CNOT3: variants seen among roughly 807,000 people sequenced by gnomAD.
CNOT3 encodes the protein CCR4-associated factor 3.
Under a neutral mutation model 89.4 loss-of-function variants are expected in CNOT3, and 2 were observed. The ratio of observed to expected loss-of-function variants is 0.02; its 90% CI spans 0.01 to 0.07. The LOEUF is 0.07. CNOT3 is among the 10% of genes least tolerant of loss of function. The pLI is 1.00. For synonymous variants in CNOT3, 486 were observed against 402.0 expected, an observed-to-expected ratio of 1.21 and a Z score of -2.50; for missense variants, 664 against 1,010.2, an observed-to-expected ratio of 0.66 and a Z score of 4.65.
intron 17 of CNOT3, chr19:54,155,093 C>T (rs1026878640): frequency 5.4e-4 from 317 of 585,106 alleles, no homozygotes; most frequent in Non-Finnish European, 2.2e-4. Context: ...GGAACCTCTG[C>T]GGCCCCCTCC....
Position 54,152,440 on chromosome 19 carries a change from G to A in CNOT3, c.1718G>A (p.Ser573Asn), listed in dbSNP as rs1356524719. ...LHLTERDIIL[S>N]STSAPPASAQ... ...ACCCTCCCCACAGACATCATCCTGA[G>A]CAGTACATCAGCACCTCCGGCCTCA... The change falls in exon 15 of 18, where the codon AGC becomes AAC. Residue 573 changes from serine (S) to asparagine (N), a missense_variant. This residue lies in a region of CNOT3 where 545 missense variants were observed against 566.2 expected (regional missense o/e 0.96). Transcript: ENST00000221232. The A allele has an allele frequency of 3.1e-6, 5 of 1,614,184 alleles. No individual in the cohort carries two copies. The highest frequency in any genetic ancestry group is 4.2e-6 in the Non-Finnish European group (5 of 1,180,014).
chr19:54,142,218 C>CT (rs755864934), intron 1 of CNOT3: 2 of 152,410 alleles, frequency 1.3e-5, no homozygotes, highest in Non-Finnish European at 2.9e-5. Flanking sequence ...CCCCAAATCT[C>CT]TAAGCCTTCT....
chr19:54,142,521 C>G (rs1482545117), intron 1 of CNOT3: 2 of 275,222 alleles, frequency 7.3e-6, no homozygotes, highest in East Asian at 8.5e-5. Context: ...TCCTAGCCAC[C>G]TCTGCCCAGC....
chr19:54,142,859 T>C, intron 1 of CNOT3, 70 bp from the exon 2 acceptor site: 2 of 971,926 alleles, frequency 2.1e-6, no homozygotes, highest in Non-Finnish European at 3.3e-6. Flanking sequence ...CTATGCTGAC[T>C]AGGTCCATGT....
intron 17 of CNOT3, chr19:54,154,455 AGTT>A (rs1178192036): frequency 4.9e-6 from 1 of 204,986 alleles, no homozygotes; most frequent in Non-Finnish European, 1.0e-5. Context: ...TACCTAATGC[AGTT>A]GTTATGAAGA....
intron 1 of CNOT3, chr19:54,142,708 C>T (rs2074502075): frequency 1.7e-6 from 1 of 588,972 alleles, no homozygotes; most frequent in African/African-American, 1.9e-5. Context: ...AAGTATGTAA[C>T]TTTTCTTGTT....
intron 15 of CNOT3, 110 bp downstream of exon 15, chr19:54,152,736 T>G (rs1228678464): frequency 7.8e-6 from 8 of 1,029,848 alleles, no homozygotes; most frequent in Admixed American, 3.5e-5. Flanking sequence ...ACTTGGGCTC[T>G]CCACTGAAGG....
At position 54,155,497 on chromosome 19, in the gene CNOT3, C is replaced by G. The variant is rs1283977695; in HGVS notation, c.*90C>G. ...CCTGCCCTGGAAGACTGGAGGGAGG[C>G]CCCAAGCCACGGGGCATCCCCCTCT... On this transcript the variant is annotated 3_prime_UTR_variant, in exon 18 of 18. Coordinates refer to ENST00000221232, the MANE Select transcript of CNOT3 (RefSeq NM_014516.4). 20 of 990,720 alleles carry G rather than the reference C, an allele frequency of 2.0e-5. No homozygotes were observed. In the South Asian group the frequency reaches 3.2e-4, roughly 16 times the overall value. The allele number at this position is 990,720 out of a possible 1,614,324, so 61.4% of individuals were successfully genotyped here. A position where few individuals can be genotyped will look rare whatever the true frequency, so the allele number is the denominator to read the frequency against.
intron 10 of CNOT3, among the ~76,000 whole-genome samples, chr19:54,147,702 G>C (rs2074759880): frequency 6.6e-6 from 1 of 152,228 alleles, no homozygotes; most frequent in South Asian, 2.1e-4. Flanking sequence ...AGTAGCTTCT[G>C]TGACCCTTCA....
At chr19:54,146,502 G>C (rs770379812) in intron 9 of CNOT3, 99 bp from the exon 10 acceptor site, 85 of 759,848 alleles carry the variant, frequency 1.1e-4, no homozygotes, top group Middle Eastern at 2.3e-4. Flanking sequence ...CGCAATGGCA[G>C]TCAATTGGGC....
In CNOT3 at chr19:54,148,406, A is replaced by T; in HGVS notation, c.1153A>T (p.Thr385Ser). Residue 385 changes from threonine (T) to serine (S), a missense_variant, in exon 11 of 18, where the codon ACG becomes TCG. This residue lies in a region of CNOT3 where 545 missense variants were observed against 566.2 expected (regional missense o/e 0.96). Coordinates refer to ENST00000221232, the MANE Select transcript of CNOT3 (RefSeq NM_014516.4). This position sits in a 1 kb window ranked among gnomAD's most constrained non-coding sequence, Gnocchi z 6.3. ...VAPPAPSGPS[T>S]TQPRPPSVQP... ...CCCACCAGCTCCCAGTGGGCCCAGC[A>T]CGACCCAGCCCCGGCCCCCCAGCGT... The T allele has an allele frequency of 1.3e-6, 2 of 1,565,194 alleles. No individual in the cohort carries two copies. The highest frequency in any genetic ancestry group is 1.7e-6 in the Non-Finnish European group (2 of 1,154,230).
chr19:54,151,563 GGA>G (rs764899149), intron 13 of CNOT3, among the ~76,000 whole-genome samples: 4 of 152,240 alleles, frequency 2.6e-5, no homozygotes, highest in Non-Finnish European at 5.9e-5. Context: ...GACTCGTTGT[GGA>G]GAGTCCAGCA....
chr19:54,147,771 T>G (rs1211947062), intron 10 of CNOT3, among the ~76,000 whole-genome samples: 1 of 152,176 alleles, frequency 6.6e-6, no homozygotes, highest in Non-Finnish European at 1.5e-5. Context: ...TCTTGGACAT[T>G]AGGCGGCTCC....
chr19:54,153,943 G>C, intron 17 of CNOT3, 103 bp downstream of exon 17: 3 of 1,460,812 alleles, frequency 2.1e-6, no homozygotes, highest in South Asian at 1.1e-5. Context: ...CCACCTTTCA[G>C]CTGGCGCAGT....
chr19:54,152,298 G>C lies in CNOT3; in HGVS notation c.1678G>C (p.Val560Leu). 1 of 1,614,172 alleles carries C rather than the reference G, an allele frequency of 6.2e-7. No individual in the cohort carries two copies. The highest frequency in any genetic ancestry group is 1.1e-5 in the South Asian group (1 of 91,082). Reference sequence around the variant, plus strand: ...CATCAGCTCTGGCATTGAGGACCCTGTGCCAACGCTGCACCTGACCGAGCG... The same window carrying C: ...CATCAGCTCTGGCATTGAGGACCCTCTGCCAACGCTGCACCTGACCGAGCG... ...AAISSGIEDP[V>L]PTLHLTERDI... is the part of the protein sequence containing the mutation. Residue 560 changes from valine to leucine, a missense_variant, in exon 14 of 18, where the codon GTG becomes CTG. By Grantham distance (32) the Val-to-Leu change is conservative (BLOSUM62 1). This residue lies in a region of CNOT3 where 545 missense variants were observed against 566.2 expected (regional missense o/e 0.96). Transcript: ENST00000221232.
chr19:54,152,423 C>A lies in CNOT3; in HGVS notation c.1706-5C>A. ...GAGGGGGCCGGACCCCCACCCTCCC[C>A]ACAGACATCATCCTGAGCAGTACAT... On this transcript the variant is annotated splice_region_variant and splice_polypyrimidine_tract_variant and intron_variant, in intron 14 of 17. Transcript: ENST00000221232. 2.5e-6 allele frequency: 4 copies of A among 1,614,088 alleles called. No individual in the cohort carries two copies. Among genetic ancestry groups the A allele is most frequent in the Non-Finnish European group, 3.4e-6 (4 of 1,179,932 alleles).
chr19:54,153,192 T>C (rs751878523), intron 16 of CNOT3, 193 bp downstream of exon 16: 5 of 765,960 alleles, frequency 6.5e-6, no homozygotes, highest in Non-Finnish European at 9.6e-6. Flanking sequence ...CCAGAGATGT[T>C]AGAACTGCTT....
intron 17 of CNOT3, chr19:54,154,565 T>C (rs561669172): frequency 1.4e-4 from 23 of 158,864 alleles, no homozygotes; most frequent in African/African-American, 5.5e-4. Flanking sequence ...TGGTGTGTTC[T>C]ACAGTGATGT....
chr19:54,152,179 C>G (rs756598161), intron 13 of CNOT3, 47 bp from the exon 14 acceptor site: 2 of 1,599,844 alleles, frequency 1.3e-6, no homozygotes, highest in Non-Finnish European at 1.7e-6. Context: ...GCTGCACTTG[C>G]TCCTGCAGCC....
Sources: gnomAD v4.1 joint callset for allele counts (sites outside exome capture counted in the v4.1 genomes callset) on GRCh38, gnomAD v4.1.1 for gene constraint, gnomAD v4.1.1 regional missense constraint, Gnocchi (gnomAD v3.1) non-coding constraint, MANE v1.5 for transcripts, NCBI Gene and HGNC (gene_info 2026-07-23, HGNC 2026-07-21) for gene names.